The following STEAP2 variants were observed in gnomAD, a reference collection of about 807,000 sequenced individuals.
STEAP2 encodes the protein metalloreductase STEAP2.
Under a neutral mutation model 46.4 loss-of-function variants are expected in STEAP2, and 30 were observed. That is an observed-to-expected ratio of 0.65 (90% confidence interval 0.48 to 0.88). STEAP2 has a LOEUF of 0.88. Ranked by LOEUF, STEAP2 falls within the 40% of genes least tolerant of loss-of-function variation. The pLI, the probability that STEAP2 is intolerant of heterozygous loss-of-function variation, is 0.00. For missense variants in STEAP2, 513 were observed against 579.3 expected, an observed-to-expected ratio of 0.89 and a Z score of 1.18; for synonymous variants, 180 against 200.5, an observed-to-expected ratio of 0.90 and a Z score of 0.86.
In STEAP2 at chr7:90,236,424, C is replaced by A. The variant is rs1409654576; in HGVS notation, c.*3800C>A. ...CAAGATACATACATAGTATAACACA[C>A]CTCACAGTGTTAAGATTTATATTGT... is the stretch of plus-strand genomic sequence containing the variant. On this transcript the variant is annotated 3_prime_UTR_variant, in exon 6 of 6. Transcript: ENST00000394621. The A allele has an allele frequency of 3.0e-6, 3 of 989,194 alleles. No homozygotes were observed. The highest frequency in any genetic ancestry group is 3.5e-5 in the African/African-American group (2 of 57,228). 61.3% of individuals were successfully genotyped at this position (989,194 alleles called of 1,614,324 possible).
rs760301564 is a variant in STEAP2 at position 90,225,297 on chromosome 7, A to G, written c.215A>G (p.His72Arg). The part of the protein sequence containing the change: ...NPKFASEFFP[H>R]VVDVTHHEDA... ...AAGTTTGCTTCTGAATTTTTTCCTC[A>G]TGTGGTAGATGTCACTCATCATGAA... is the stretch of plus-strand genomic sequence containing the variant. Residue 72 changes from histidine (H) to arginine (R), a missense_variant, in exon 3 of 6, where the codon CAT becomes CGT. His to Arg is a conservative substitution (Grantham distance 29). Coordinates refer to ENST00000394621, the MANE Select transcript of STEAP2 (RefSeq NM_001244944.2). 20 of 1,613,868 alleles carry G rather than the reference A, an allele frequency of 1.2e-5. No individual in the cohort carries two copies. Among genetic ancestry groups the G allele is most frequent in the Middle Eastern group, 1.6e-4 (1 of 6,080 alleles).
intron 1 of STEAP2, among the ~76,000 whole-genome samples, chr7:90,213,499 CTG>C (rs1794898019): frequency 6.6e-6 from 1 of 152,164 alleles, no homozygotes; most frequent in African/African-American, 2.4e-5. Context: ...ATTGAGGTAA[CTG>C]AGACATTAAC....
intron 1 of STEAP2, 196 bp from the exon 2 acceptor site, chr7:90,216,295 T>A (rs944502667): frequency 6.6e-6 from 1 of 152,160 alleles, no homozygotes; most frequent in Non-Finnish European, 1.5e-5. Context: ...AGTGAGTCAT[T>A]CCCTTGGAAA....
Position 90,227,107 on chromosome 7 carries a change from C to G in STEAP2, c.629C>G (p.Thr210Ser). 1 of 1,613,854 alleles carries G rather than the reference C, an allele frequency of 6.2e-7. No homozygotes were observed. Among genetic ancestry groups the G allele is most frequent in the Non-Finnish European group, 8.5e-7 (1 of 1,179,856 alleles). Residue 210 changes from threonine (T) to serine (S), a missense_variant, in exon 4 of 6, where the codon ACT becomes AGT. Thr to Ser is a moderately conservative substitution (Grantham distance 58, BLOSUM62 1). Transcript: ENST00000394621. Reference protein sequence around the residue: ...EIENLPLRLFTLWRGPVVVAI... With the variant: ...EIENLPLRLFSLWRGPVVVAI... ...GAAAATTTACCCCTACGACTCTTTA[C>G]TCTCTGGAGAGGGCCAGTGGTGGTA...
rs1268755531 is a variant in STEAP2, at chr7:90,234,201, G to A, written c.*1577G>A. On this transcript the variant is annotated 3_prime_UTR_variant, in exon 6 of 6. Transcript: ENST00000394621. ...TACTCTAGAGACATATAATCATACA[G>A]ATTATTCATAAAATTTTTCAGTGCT... 6 of 985,266 alleles carry A rather than the reference G, an allele frequency of 6.1e-6. No homozygotes were observed. In the South Asian group the frequency reaches 1.9e-4, roughly 31 times the overall value. 61.0% of individuals were successfully genotyped at this position (985,266 alleles called of 1,614,324 possible). A position where few individuals can be genotyped will look rare whatever the true frequency, so the allele number is the denominator to read the frequency against.
chr7:90,218,899 TA>T (rs1795138016), intron 2 of STEAP2, among the ~76,000 whole-genome samples: 1 of 152,202 alleles, frequency 6.6e-6, no homozygotes, highest in Admixed American at 6.5e-5. Flanking sequence ...TTCCAATCCA[TA>T]AGCATGGAAT....
At position 90,218,001 on chromosome 7, in the gene STEAP2, T is replaced by G. The variant is rs17867135; in HGVS notation, c.-34+1398T>G. On this transcript the variant is annotated intron_variant, in intron 2 of 5. Coordinates refer to ENST00000394621, the MANE Select transcript of STEAP2 (RefSeq NM_001244944.2). ...TTGAAATCTCATTGTGGTTTTGATA[T>G]GCATTTCTCTGGTGATTAGTGATGC... Among the ~76,000 whole-genome samples the G allele has an allele frequency of 7.6e-3, 1,153 of 152,340 alleles. 9 individuals are homozygous for G. Among genetic ancestry groups the G allele is most frequent in the African/African-American group, 0.025 (1,047 of 41,580 alleles).
chr7:90,233,639 T>C lies in STEAP2; in HGVS notation c.*1015T>C. On this transcript the variant is annotated 3_prime_UTR_variant, in exon 6 of 6. Coordinates refer to ENST00000394621, the MANE Select transcript of STEAP2 (RefSeq NM_001244944.2). ...AGATAAGTAGTTATTATCCTCATTT[T>C]ACACATGAGGGACCGAAGGATAGAA... 1.2e-6 allele frequency: 1 copy of C among 856,650 alleles called. No individual in the cohort carries two copies. The highest frequency in any genetic ancestry group is 1.8e-5 in the African/African-American group (1 of 54,660). The allele number at this position is 856,650 out of a possible 1,614,324, so 53.1% of individuals were successfully genotyped here.
At chr7:90,213,966 C>G (rs543817336) in intron 1 of STEAP2, 18 of 152,214 alleles carry the variant, frequency 1.2e-4, no homozygotes, top group Non-Finnish European at 2.1e-4. Context: ...CATTCAGGAC[C>G]TTTTACGTGA....
chr7:90,229,855 A>G lies in STEAP2; in HGVS notation c.1021-17A>G, dbSNP rs370070058. 1.2e-4 allele frequency: 199 copies of G among 1,609,708 alleles called. 1 individual carries two copies. In the African/African-American group the frequency reaches 2.1e-3, roughly 17 times the overall value. On this transcript the variant is annotated splice_polypyrimidine_tract_variant and intron_variant, in intron 4 of 5. Coordinates refer to ENST00000394621, the MANE Select transcript of STEAP2 (RefSeq NM_001244944.2). ...GTTCTACTAAATAAAGGAAATTCACATTCGCTTTCTTGTTAGGTTCATGCA... is the reference window on the plus strand; with the variant it reads ...GTTCTACTAAATAAAGGAAATTCACGTTCGCTTTCTTGTTAGGTTCATGCA...
At chr7:90,223,092 G>C (rs147223712) in intron 2 of STEAP2, among the ~76,000 whole-genome samples, 37 of 152,276 alleles carry the variant, frequency 2.4e-4, no homozygotes, top group African/African-American at 8.2e-4. Context: ...GATTTTTCCA[G>C]GAAGAATAAC....
intron 1 of STEAP2, chr7:90,215,716 A>G (rs1387450638): frequency 6.6e-6 from 1 of 152,244 alleles, no homozygotes; most frequent in Non-Finnish European, 1.5e-5. Flanking sequence ...GCAGAAGCTT[A>G]GGCCTGCTCT....
At chr7:90,227,527 T>C (rs1395809108) in intron 4 of STEAP2, 29 bp downstream of exon 4, 1 of 1,494,676 alleles carries the variant, frequency 6.7e-7, no homozygotes. Flanking sequence ...ATTTATCTGA[T>C]GCTAGTAAAA....
rs1350474869 is a variant in STEAP2, at chr7:90,237,256, A to G, written c.*4632A>G. The G allele has an allele frequency of 3.2e-6, 1 of 314,378 alleles. No homozygotes were observed. The highest frequency in any genetic ancestry group is 5.8e-6 in the Non-Finnish European group (1 of 173,374). The allele number at this position is 314,378 out of a possible 1,614,324, so 19.5% of individuals were successfully genotyped here. The stretch of plus-strand genomic sequence containing the variant: ...GCCATTGTAAATCTGGGTGTGTTAC[A>G]TGAAGTGAAAATTAATTCTTTCTGC... On this transcript the variant is annotated 3_prime_UTR_variant, in exon 6 of 6. Transcript: ENST00000394621.
intron 2 of STEAP2, among the ~76,000 whole-genome samples, chr7:90,223,635 C>G (rs1795354780): frequency 6.6e-6 from 1 of 152,160 alleles, no homozygotes; most frequent in South Asian, 2.1e-4. Flanking sequence ...CTGTCCTTGA[C>G]CAAAGCACAG....
chr7:90,223,441 C>T (rs1173339508), intron 2 of STEAP2, among the ~76,000 whole-genome samples: 1 of 152,202 alleles, frequency 6.6e-6, no homozygotes, highest in African/African-American at 2.4e-5. Context: ...AGTGCCTCTA[C>T]AGTGTCCACA....
rs1326387086 is a variant in STEAP2, at chr7:90,225,501, C to A, written c.419C>A (p.Ser140Tyr). 3 of 1,613,724 alleles carry A rather than the reference C, an allele frequency of 1.9e-6. No individual in the cohort carries two copies. The highest frequency in any genetic ancestry group is 2.5e-6 in the Non-Finnish European group (3 of 1,179,860). Residue 140 changes from serine (S) to tyrosine (Y), a missense_variant, in exon 3 of 6, where the codon TCT becomes TAT. Ser to Tyr is a moderately radical substitution (Grantham distance 144). Transcript: ENST00000394621. ...AEYLASLFPD[S>Y]LIVKGFNVVS... ...TATTTGGCTTCATTATTCCCAGATTCTTTGATTGTCAAAGGATTTAATGTT... is the reference window on the plus strand; with the variant it reads ...TATTTGGCTTCATTATTCCCAGATTATTTGATTGTCAAAGGATTTAATGTT...
intron 3 of STEAP2, among the ~76,000 whole-genome samples, chr7:90,226,193 A>G (rs1795483467): frequency 6.6e-6 from 1 of 152,218 alleles, no homozygotes; most frequent in African/African-American, 2.4e-5. Flanking sequence ...CCTGAATTTA[A>G]TAATATGCCC....
intron 2 of STEAP2, among the ~76,000 whole-genome samples, chr7:90,219,827 A>C (rs959962373): frequency 1.3e-5 from 2 of 152,188 alleles, no homozygotes; most frequent in Non-Finnish European, 2.9e-5. Flanking sequence ...TTCTGGGCTC[A>C]GGTGATTCTT....
Sources: allele counts gnomAD v4.1 joint callset (sites outside exome capture counted in the v4.1 genomes callset), GRCh38; gene constraint gnomAD v4.1.1; transcripts MANE v1.5; gene names NCBI Gene and HGNC (gene_info 2026-07-23, HGNC 2026-07-21).